Variants in NTRK3 observed in about 807,000 individuals in gnomAD.
NTRK3 encodes the protein NT-3 growth factor receptor.
NTRK3 carries 24 observed loss-of-function variants against 91.7 expected under a neutral mutation model. That is an observed-to-expected ratio of 0.26 (90% CI 0.19 to 0.37). The LOEUF (loss-of-function observed/expected upper bound fraction) is 0.37. Among genes scored for constraint, NTRK3 ranks in the 10% least tolerant of loss-of-function variants. The pLI, the probability that NTRK3 is intolerant of heterozygous loss-of-function variation, is 1.00. For synonymous variants in NTRK3, 483 were observed against 404.0 expected (o/e 1.20, Z -2.34); for missense variants, 880 against 1,068.9 (o/e 0.82, Z 2.46).
rs562928031 is a variant in NTRK3, at chr15:87,891,873, G to A, written c.2134-11445C>T. On this transcript the variant is annotated intron_variant, in intron 17 of 18. Coordinates refer to ENST00000394480, the Ensembl canonical transcript of NTRK3. ...CCATGGGATGAGGTCTAGAATTTCC[G>A]TGCCATGTAATAGGCAGAGATACAG... 5.3e-5 allele frequency among the ~76,000 whole-genome samples: 8 copies of A among 152,238 alleles called. No homozygotes were observed. The South Asian group carries it at 8.3e-4, about 16-fold the overall frequency.
intron 17 of NTRK3, among the ~76,000 whole-genome samples, chr15:87,894,711 G>A (rs2066022220): frequency 6.6e-6 from 1 of 152,150 alleles, no homozygotes; most frequent in Non-Finnish European, 1.5e-5. Context: ...TTCTCCAACT[G>A]TTGGTATGTC....
At chr15:88,080,930 T>C (rs951939943) in intron 13 of NTRK3, among the ~76,000 whole-genome samples, 1 of 152,242 alleles carries the variant, frequency 6.6e-6, no homozygotes, top group Non-Finnish European at 1.5e-5. Context: ...AAATGACTTA[T>C]GCCTCGAGAA....
intron 14 of NTRK3, among the ~76,000 whole-genome samples, chr15:87,992,513 A>G (rs1323305669): frequency 2.0e-5 from 3 of 152,254 alleles, no homozygotes; most frequent in Non-Finnish European, 4.4e-5. Context: ...CATACACTAC[A>G]ATGAAATGGT....
chr15:88,211,638 A>C (rs2049256022), intron 3 of NTRK3, among the ~76,000 whole-genome samples: 1 of 152,282 alleles, frequency 6.6e-6, no homozygotes. Flanking sequence ...AGTATGTGTT[A>C]ACAGGAGTCC....
chr15:88,022,028 C>G (rs1399628245), intron 14 of NTRK3, among the ~76,000 whole-genome samples: 1 of 152,134 alleles, frequency 6.6e-6, no homozygotes, highest in Non-Finnish European at 1.5e-5. Context: ...AAGCCCTTCC[C>G]TTACCCTGCA....
At chr15:87,865,484 A>T (rs1174694722) in exon 19 of NTRK3, 2 of 215,032 alleles carry the variant, frequency 9.3e-6, no homozygotes, top group Non-Finnish European at 1.9e-5. Flanking sequence ...TGGGCCTATT[A>T]AAGGTGTGGT....
chr15:87,934,542 T>C (rs929446343), intron 15 of NTRK3, among the ~76,000 whole-genome samples: 2 of 152,162 alleles, frequency 1.3e-5, no homozygotes, highest in African/African-American at 4.8e-5. Flanking sequence ...TAGGGCTTCC[T>C]TGGTTCTAGA....
chr15:88,080,386 C>A (rs939099112), intron 13 of NTRK3, among the ~76,000 whole-genome samples: 1 of 152,118 alleles, frequency 6.6e-6, no homozygotes, highest in Non-Finnish European at 1.5e-5. Context: ...ATTATTTTTG[C>A]CAATTTAATG....
intron 14 of NTRK3, among the ~76,000 whole-genome samples, chr15:87,961,658 T>A (rs189850472): frequency 6.6e-6 from 1 of 152,328 alleles, no homozygotes; most frequent in Non-Finnish European, 1.5e-5. Context: ...GAGGGTGCAG[T>A]CTGTCCCCTA....
In NTRK3 at chr15:88,243,210, C is replaced by T. The variant is rs146557684; in HGVS notation, c.248+12696G>A. ...CCTCCACGCCCTTGCCCCCTCCCCA[C>T]TTCTTATGTTATTTCCCTCTCTGTG... On this transcript the variant is annotated intron_variant, in intron 3 of 18. Coordinates refer to ENST00000394480, the Ensembl canonical transcript of NTRK3. This position sits in a 1 kb window ranked among gnomAD's most constrained non-coding sequence, Gnocchi z 4.8. 9.8e-5 allele frequency among the ~76,000 whole-genome samples: 15 copies of T among 152,350 alleles called. No individual in the cohort carries two copies. In the East Asian group the frequency reaches 2.9e-3, roughly 29 times the overall value.
intron 14 of NTRK3, among the ~76,000 whole-genome samples, chr15:88,031,811 G>C (rs1596827432): frequency 6.6e-6 from 1 of 152,158 alleles, no homozygotes; most frequent in South Asian, 2.1e-4. Flanking sequence ...GAGCTACAAA[G>C]ACTGTACTCC....
At chr15:88,144,049 G>A (rs1020572522) in intron 6 of NTRK3, 1 of 152,052 alleles carries the variant, frequency 6.6e-6, no homozygotes, top group Non-Finnish European at 1.5e-5. Context: ...ATTGTATCTT[G>A]AGATTCAGAA....
intron 13 of NTRK3, among the ~76,000 whole-genome samples, chr15:88,087,870 G>A (rs1023730532): frequency 3.3e-5 from 5 of 152,176 alleles, no homozygotes; most frequent in Non-Finnish European, 7.3e-5. Context: ...CCAACATGGT[G>A]AAACCTCATC....
intron 14 of NTRK3, among the ~76,000 whole-genome samples, chr15:88,025,047 C>A (rs573415220): frequency 6.6e-6 from 1 of 150,790 alleles, no homozygotes; most frequent in Non-Finnish European, 1.5e-5. Context: ...ACGTGTGTGG[C>A]CACACACACA....
intron 14 of NTRK3, among the ~76,000 whole-genome samples, chr15:88,030,812 T>C (rs2078465065): frequency 6.6e-6 from 1 of 152,162 alleles, no homozygotes; most frequent in Non-Finnish European, 1.5e-5. Context: ...AAACCTGTCA[T>C]CTGTCATATT....
In NTRK3 at chr15:88,233,516, C is replaced by G. The variant is rs781682197; in HGVS notation, c.248+22390G>C. 6.6e-6 allele frequency among the ~76,000 whole-genome samples: 1 copy of G among 152,090 alleles called. No homozygotes were observed. The highest frequency in any genetic ancestry group is 1.5e-5 in the Non-Finnish European group (1 of 68,004). ...TCCTCGAAAGAGCAAATCCCAAGAC[C>G]CTCTAATCCCCCAGCTGCAGAGACT... On this transcript the variant is annotated intron_variant, in intron 3 of 18. Transcript: ENST00000394480. The surrounding 1 kb of genome is among the most constrained non-coding windows in gnomAD (Gnocchi z 4.2).
intron 3 of NTRK3, among the ~76,000 whole-genome samples, chr15:88,199,441 T>C (rs1178543282): frequency 2.6e-5 from 4 of 152,198 alleles, no homozygotes; most frequent in African/African-American, 9.7e-5. Flanking sequence ...AAAGCCCTAG[T>C]AAATGTTGCA....
chr15:87,904,654 A>T (rs8037601), intron 17 of NTRK3, among the ~76,000 whole-genome samples: 5,003 of 152,248 alleles, frequency 0.033, 292 homozygotes, highest in African/African-American at 0.11. Context: ...TATTCTTTTA[A>T]GCTTCAGCTA....
intron 17 of NTRK3, among the ~76,000 whole-genome samples, chr15:87,887,950 A>C (rs1013860713): frequency 6.6e-5 from 10 of 152,164 alleles, no homozygotes; most frequent in African/African-American, 2.4e-4. Flanking sequence ...CCAAGCTCTC[A>C]ATGAGATAAT....
Sources: gnomAD v4.1 joint callset for allele counts (sites outside exome capture counted in the v4.1 genomes callset) on GRCh38, gnomAD v4.1.1 for gene constraint, Gnocchi (gnomAD v3.1) non-coding constraint, MANE v1.5 for transcripts, NCBI Gene and HGNC (gene_info 2026-07-23, HGNC 2026-07-21) for gene names.